CASKIN1: variants seen among roughly 807,000 people sequenced by gnomAD.
CASKIN1 encodes caskin-1.
A neutral mutation model predicts 117.5 loss-of-function variants in CASKIN1; 42 were observed. The ratio of observed to expected loss-of-function variants is 0.36; its 90% CI spans 0.28 to 0.46. The LOEUF is 0.46. CASKIN1 is among the 20% of genes least tolerant of loss of function. CASKIN1 has a pLI of 1.00. For synonymous variants in CASKIN1, 1,148 were observed against 961.7 expected, an observed-to-expected ratio of 1.19 and a Z score of -3.59; for missense variants, 2,083 against 2,077.3, an observed-to-expected ratio of 1.00 and a Z score of -0.05.
At chr16:2,187,545 G>T in intron 6 of CASKIN1, 84 bp from the exon 7 acceptor site, 1 of 1,141,966 alleles carries the variant, frequency 8.8e-7, no homozygotes. Context: ...CCATTTCCAG[G>T]TACCCCAGCA....
chr16:2,180,110 G>C lies in CASKIN1; in HGVS notation c.3258C>G (p.Asp1086Glu). ...TARRGPGESA[D>E]PGPFVEDGTG... Reference sequence around the variant, plus strand: ...TGCCATCCTCCACAAAGGGGCCTGGGTCTGCCGACTCCCCAGGCCCCCGGC... The same window carrying C: ...TGCCATCCTCCACAAAGGGGCCTGGCTCTGCCGACTCCCCAGGCCCCCGGC... Residue 1086 changes from aspartate to glutamate, a missense_variant, in exon 18 of 20, where the codon GAC becomes GAG. This residue lies in a region of CASKIN1 where 1,818 missense variants were observed against 1,688.9 expected (regional missense o/e 1.08). Coordinates refer to ENST00000343516, the MANE Select transcript of CASKIN1 (RefSeq NM_020764.4). 6.4e-7 allele frequency: 1 copy of C among 1,555,836 alleles called. No homozygotes were observed. The highest frequency in any genetic ancestry group is 8.7e-7 in the Non-Finnish European group (1 of 1,151,598).
chr16:2,184,264 T>A (rs1263939191), intron 14 of CASKIN1, among the ~76,000 whole-genome samples: 4 of 151,896 alleles, frequency 2.6e-5, no homozygotes, highest in South Asian at 2.1e-4. Context: ...CCCCACGCCA[T>A]CTTGGGGATG....
In CASKIN1 at chr16:2,178,451, C is replaced by A; in HGVS notation, c.*99G>T. The A allele has an allele frequency of 2.1e-6, 2 of 951,856 alleles. No homozygotes were observed. The highest frequency in any genetic ancestry group is 3.8e-5 in the South Asian group (2 of 53,046). 59.0% of individuals were successfully genotyped at this position (951,856 alleles called of 1,614,324 possible). ...GGAGTTGTGCTTCTGCAGGGCCCTGCCCGGCCGCTCGCGCCGCGCCCAGAC... is the reference window on the plus strand; with the variant it reads ...GGAGTTGTGCTTCTGCAGGGCCCTGACCGGCCGCTCGCGCCGCGCCCAGAC... On this transcript the variant is annotated 3_prime_UTR_variant, in exon 20 of 20. Transcript: ENST00000343516.
rs1317342202 is a variant in CASKIN1 at position 2,179,818 on chromosome 16, C to G, written c.3550G>C (p.Glu1184Gln). The G allele has an allele frequency of 1.9e-6, 3 of 1,589,240 alleles. No individual in the cohort carries two copies. Among genetic ancestry groups the G allele is most frequent in the Admixed American group, 3.5e-5 (2 of 57,168 alleles). ...GGCAGCTCCGGAGGCCCAGCCTGCT[C>G]CGAGGCCGGTCGGCGGCGCACGGTG... Reference protein sequence around the residue: ...TGTVRRRPASEQAGPPELPPP... With the variant: ...TGTVRRRPASQQAGPPELPPP... Residue 1184 changes from glutamate (E) to glutamine (Q), a missense_variant, in exon 18 of 20, where the codon GAG (glutamate) becomes CAG (glutamine). By Grantham distance (29) the Glu-to-Gln change is conservative (BLOSUM62 2). Coordinates refer to ENST00000343516, the MANE Select transcript of CASKIN1 (RefSeq NM_020764.4). The surrounding 1 kb of genome is among the most constrained non-coding windows in gnomAD (Gnocchi z 5.8).
chr16:2,180,113 T>G lies in CASKIN1; in HGVS notation c.3255A>C (p.Ala1085=). The change falls in exon 18 of 20, where the codon GCA becomes GCC. Residue 1085 remains alanine (A), a synonymous_variant. Coordinates refer to ENST00000343516, the MANE Select transcript of CASKIN1 (RefSeq NM_020764.4). ...ATARRGPGES[A]DPGPFVEDGT... ...CATCCTCCACAAAGGGGCCTGGGTC[T>G]GCCGACTCCCCAGGCCCCCGGCGGG... 3 of 1,554,356 alleles carry G rather than the reference T, an allele frequency of 1.9e-6. No homozygotes were observed. The highest frequency in any genetic ancestry group is 2.6e-6 in the Non-Finnish European group (3 of 1,150,796).
At position 2,186,718 on chromosome 16, in the gene CASKIN1, A is replaced by C. The variant is rs756830509; in HGVS notation, c.1037T>G (p.Val346Gly). 1 of 1,612,654 alleles carries C rather than the reference A, an allele frequency of 6.2e-7. No individual in the cohort carries two copies. The highest frequency in any genetic ancestry group is 2.2e-5 in the East Asian group (1 of 44,854). Reference sequence around the variant, plus strand: ...GGGGTGGAACTTGCCTGCTCGCTTGACAATGGCCTCGCCCAGGGAGGACGG... The same window carrying C: ...GGGGTGGAACTTGCCTGCTCGCTTGCCAATGGCCTCGCCCAGGGAGGACGG... The part of the protein sequence containing the change: ...YFPSSLGEAI[V>G]KRAGSRAGTE... The change falls in exon 10 of 20, where the codon GTC becomes GGC. Residue 346 changes from valine (V) to glycine (G), a missense_variant. Val to Gly is a moderately radical substitution (Grantham distance 109). Around this residue, in one of 3 missense-constraint regions of CASKIN1, gnomAD observed 1,818 missense variants for 1,688.9 expected, o/e 1.08. Coordinates refer to ENST00000343516, the MANE Select transcript of CASKIN1 (RefSeq NM_020764.4).
Position 2,187,159 on chromosome 16 carries a change from G to A in CASKIN1, c.835+7C>T, listed in dbSNP as rs1273011018. On this transcript the variant is annotated splice_region_variant and intron_variant, in intron 8 of 19. Transcript: ENST00000343516. ...AGCCACTGCCCCTCTGCCCTGCCTG[G>A]GCCCACCTCGCAACAGCTGCTTGAT... is the stretch of plus-strand genomic sequence containing the variant. 6.2e-7 allele frequency: 1 copy of A among 1,613,604 alleles called. No homozygotes were observed. The highest frequency in any genetic ancestry group is 8.5e-7 in the Non-Finnish European group (1 of 1,179,890).
At position 2,185,035 on chromosome 16, in the gene CASKIN1, G is replaced by A; in HGVS notation, c.1240C>T (p.Leu414Phe). ...TTCTGGGAAAGCACCGTTGCCAGGA[G>A]CTGCAACCCAGAAACCCCGGCTTGT... The part of the protein sequence containing the change: ...ALHAGSEGVK[L>F]LATVLSQKSV... Residue 414 changes from leucine (L) to phenylalanine (F), a missense_variant and splice_region_variant, in exon 13 of 20, where the codon CTC (leucine) becomes TTC (phenylalanine). Leu to Phe is a conservative substitution (Grantham distance 22). Around this residue, in one of 3 missense-constraint regions of CASKIN1, gnomAD observed 1,818 missense variants for 1,688.9 expected, o/e 1.08. Coordinates refer to ENST00000343516, the MANE Select transcript of CASKIN1 (RefSeq NM_020764.4). 6.2e-7 allele frequency: 1 copy of A among 1,608,414 alleles called. No individual in the cohort carries two copies. The highest frequency in any genetic ancestry group is 8.5e-7 in the Non-Finnish European group (1 of 1,176,346).
Position 2,180,538 on chromosome 16 carries a change from C to G in CASKIN1, c.2830G>C (p.Gly944Arg). ...QSFAVRPRKK[G>R]PPPPPPKRSS... Reference sequence around the variant, plus strand: ...CGCTTGGGTGGGGGCGGCGGGGGCCCCTTCTTTCGGGGCCGCACGGCAAAG... The same window carrying G: ...CGCTTGGGTGGGGGCGGCGGGGGCCGCTTCTTTCGGGGCCGCACGGCAAAG... The change falls in exon 18 of 20, where the codon GGG (glycine) becomes CGG (arginine). Residue 944 changes from glycine to arginine, a missense_variant. Physicochemically the swap from Gly to Arg is moderately radical, Grantham distance 125. Around this residue, in one of 3 missense-constraint regions of CASKIN1, gnomAD observed 1,818 missense variants for 1,688.9 expected, o/e 1.08. Transcript: ENST00000343516. 3 of 1,544,830 alleles carry G rather than the reference C, an allele frequency of 1.9e-6. No individual in the cohort carries two copies. Among genetic ancestry groups the G allele is most frequent in the Non-Finnish European group, 2.6e-6 (3 of 1,151,872 alleles).
chr16:2,184,922 G>T, intron 13 of CASKIN1, 29 bp downstream of exon 13: 2 of 1,581,832 alleles, frequency 1.3e-6, no homozygotes, highest in Non-Finnish European at 1.7e-6. Flanking sequence ...TTCCTCCATC[G>T]GGCTGCGTGG....
intron 16 of CASKIN1, among the ~76,000 whole-genome samples, chr16:2,183,284 G>A (rs767667959): frequency 6.1e-4 from 93 of 152,326 alleles, no homozygotes; most frequent in Non-Finnish European, 7.1e-4. Context: ...AGCAAAGGCC[G>A]TAAGCATGGC....
At chr16:2,194,735 C>A (rs958954710) in intron 1 of CASKIN1, among the ~76,000 whole-genome samples, 1 of 152,138 alleles carries the variant, frequency 6.6e-6, no homozygotes, top group Non-Finnish European at 1.5e-5. Flanking sequence ...TCCCAGAGGC[C>A]AGGCAAGACA....
At chr16:2,193,556 G>T (rs2093206784) in intron 1 of CASKIN1, among the ~76,000 whole-genome samples, 3 of 152,202 alleles carry the variant, frequency 2.0e-5, no homozygotes, top group African/African-American at 7.2e-5. Context: ...GTCCAAGCCA[G>T]GCCCTGTCCT....
chr16:2,185,529 C>T (rs748688225), intron 10 of CASKIN1, 121 bp from the exon 11 acceptor site: 5 of 815,448 alleles, frequency 6.1e-6, no homozygotes, highest in Non-Finnish European at 9.5e-6. Context: ...CCATTGTCTC[C>T]AGGGAGCTGA....
chr16:2,178,378 C>G lies in CASKIN1; in HGVS notation c.*172G>C, dbSNP rs1165560477. 8.5e-6 allele frequency: 4 copies of G among 469,328 alleles called. No individual in the cohort carries two copies. Among genetic ancestry groups the G allele is most frequent in the Non-Finnish European group, 1.5e-5 (4 of 267,740 alleles). The allele number at this position is 469,328 out of a possible 1,614,324, so 29.1% of individuals were successfully genotyped here. A position where few individuals can be genotyped will look rare whatever the true frequency, so the allele number is the denominator to read the frequency against. Reference sequence around the variant, plus strand: ...GGGTCTGCCTAGAGCCCTTGGAGCCCCCGGCCAGGCGGTCCCCGGTGGGCG... The same window carrying G: ...GGGTCTGCCTAGAGCCCTTGGAGCCGCCGGCCAGGCGGTCCCCGGTGGGCG... On this transcript the variant is annotated 3_prime_UTR_variant, in exon 20 of 20. Coordinates refer to ENST00000343516, the MANE Select transcript of CASKIN1 (RefSeq NM_020764.4).
chr16:2,179,070 C>T lies in CASKIN1; in HGVS notation c.4031G>A (p.Arg1344Gln). 1 of 979,084 alleles carries T rather than the reference C, an allele frequency of 1.0e-6. No homozygotes were observed. Among genetic ancestry groups the T allele is most frequent in the Non-Finnish European group, 1.2e-6 (1 of 830,330 alleles). 60.6% of individuals were successfully genotyped at this position (979,084 alleles called of 1,614,324 possible). A position where few individuals can be genotyped will look rare whatever the true frequency, so the allele number is the denominator to read the frequency against. ...GGCGGCGGCGGCGGCGGCGGCGGCT[C>T]GCGGGGGCTTGGCGGGCACGTGCAG... ...PALHVPAKPP[R>Q]AAAAAAAAAA... is the part of the protein sequence containing the mutation. Residue 1344 changes from arginine (R) to glutamine (Q), a missense_variant, in exon 19 of 20, where the codon CGA becomes CAA. Around this residue, in one of 3 missense-constraint regions of CASKIN1, gnomAD observed 1,818 missense variants for 1,688.9 expected, o/e 1.08. Transcript: ENST00000343516. This position sits in a 1 kb window ranked among gnomAD's most constrained non-coding sequence, Gnocchi z 5.8.
Position 2,178,004 on chromosome 16 carries a change from T to G in CASKIN1, c.*546A>C. The G allele has an allele frequency of 2.5e-6, 1 of 400,404 alleles. No homozygotes were observed. The highest frequency in any genetic ancestry group is 3.6e-5 in the Admixed American group (1 of 27,934). 24.8% of individuals were successfully genotyped at this position (400,404 alleles called of 1,614,324 possible). A position where few individuals can be genotyped will look rare whatever the true frequency, so the allele number is the denominator to read the frequency against. On this transcript the variant is annotated 3_prime_UTR_variant, in exon 20 of 20. Transcript: ENST00000343516. ...ACTTCGTGTCCTTTCAGTTGGTAAA[T>G]GGTTTTCTATAGAATCAATAATATT...
chr16:2,178,538 G>A lies in CASKIN1; in HGVS notation c.*12C>T, dbSNP rs748967637. 2 of 1,568,128 alleles carry A rather than the reference G, an allele frequency of 1.3e-6. No individual in the cohort carries two copies. Among genetic ancestry groups the A allele is most frequent in the Non-Finnish European group, 1.7e-6 (2 of 1,164,196 alleles). ...GGCCCGGGCGGCGCGGGAGGGCCCG[G>A]CCAGGCGGCGTTCACTCCAGCATGG... On this transcript the variant is annotated 3_prime_UTR_variant, in exon 20 of 20. Transcript: ENST00000343516.
intron 15 of CASKIN1, 35 bp from the exon 16 acceptor site, chr16:2,183,782 G>A (rs2093175315): frequency 1.5e-5 from 24 of 1,611,884 alleles, no homozygotes; most frequent in Non-Finnish European, 2.0e-5. Context: ...CTAGGGGCTG[G>A]GCCCATCTGT....
Sources: gnomAD v4.1 joint callset for allele counts (sites outside exome capture counted in the v4.1 genomes callset) on GRCh38, gnomAD v4.1.1 for gene constraint, gnomAD v4.1.1 regional missense constraint, Gnocchi (gnomAD v3.1) non-coding constraint, MANE v1.5 for transcripts, NCBI Gene and HGNC (gene_info 2026-07-23, HGNC 2026-07-21) for gene names.